AGBL4: variants seen among roughly 807,000 people sequenced by gnomAD.
The protein encoded by AGBL4 is cytosolic carboxypeptidase 6.
AGBL4 carries 58 observed loss-of-function variants against 66.4 expected under a neutral mutation model. The observed-to-expected ratio is 0.87, with a 90% CI of 0.71 to 1.09. AGBL4 has a LOEUF of 1.09. AGBL4 is among the 50% of genes least tolerant of loss of function. The pLI is 0.00. For missense variants in AGBL4, 579 were observed against 631.0 expected (o/e 0.92, Z 0.88); for synonymous variants, 234 against 222.9 (o/e 1.05, Z -0.44).
At chr1:49,812,517 C>A (rs998060908) in intron 2 of AGBL4, among the ~76,000 whole-genome samples, 6 of 152,162 alleles carry the variant, frequency 3.9e-5, no homozygotes, top group African/African-American at 1.2e-4. Context: ...TCCAACCTAA[C>A]AAACACTGAC....
At chr1:49,178,419 T>G (rs1646870110) in intron 4 of AGBL4, among the ~76,000 whole-genome samples, 1 of 152,148 alleles carries the variant, frequency 6.6e-6, no homozygotes, top group South Asian at 2.1e-4. Context: ...CAGCTCTGCA[T>G]GCGGAATTCA....
intron 3 of AGBL4, among the ~76,000 whole-genome samples, chr1:49,504,956 A>G (rs1648541803): frequency 6.6e-6 from 1 of 151,860 alleles, no homozygotes; most frequent in South Asian, 2.1e-4. Flanking sequence ...CTGTGATTAA[A>G]TGATTTTCTG....
chr1:49,452,130 G>T (rs1162906844), intron 3 of AGBL4, among the ~76,000 whole-genome samples: 1 of 151,700 alleles, frequency 6.6e-6, no homozygotes, highest in Non-Finnish European at 1.5e-5. Context: ...GACCTCCACT[G>T]GTTCCTTCAC....
rs1348118471 is a variant in AGBL4 at position 48,649,234 on chromosome 1, G to A, written c.839+4103C>T. 3.3e-5 allele frequency among the ~76,000 whole-genome samples: 5 copies of A among 152,152 alleles called. No individual in the cohort carries two copies. In the South Asian group the frequency reaches 6.2e-4, roughly 19 times the overall value. ...CAAGAGCCATAAAGGGAGAGTACAG[G>A]GTGCTATAAAAGAGTGTAATGGGAG... On this transcript the variant is annotated intron_variant, in intron 8 of 13. Transcript: ENST00000371839.
chr1:48,710,350 C>G (rs1271718391), intron 6 of AGBL4, among the ~76,000 whole-genome samples: 1 of 152,094 alleles, frequency 6.6e-6, no homozygotes, highest in Non-Finnish European at 1.5e-5. Context: ...CTGGAGGAAA[C>G]TAACTTTCCC....
chr1:49,838,696 A>C (rs376130362), intron 2 of AGBL4, among the ~76,000 whole-genome samples: 1 of 152,230 alleles, frequency 6.6e-6, no homozygotes, highest in South Asian at 2.1e-4. Context: ...AGTGTTATTT[A>C]CAAATGGGAA....
intron 4 of AGBL4, among the ~76,000 whole-genome samples, chr1:49,189,558 A>G (rs1647076816): frequency 6.6e-6 from 1 of 152,180 alleles, no homozygotes; most frequent in Non-Finnish European, 1.5e-5. Flanking sequence ...TATAAGTGAG[A>G]AAGCTGAGGC....
intron 3 of AGBL4, among the ~76,000 whole-genome samples, chr1:49,619,799 G>T (rs1485930777): frequency 1.3e-5 from 2 of 151,992 alleles, no homozygotes; most frequent in African/African-American, 2.4e-5. Flanking sequence ...CAGAACAGAG[G>T]CCTCAGAAAT....
At chr1:48,758,704 G>A (rs1169755066) in intron 6 of AGBL4, among the ~76,000 whole-genome samples, 1 of 152,220 alleles carries the variant, frequency 6.6e-6, no homozygotes, top group Non-Finnish European at 1.5e-5. Context: ...AGCTGAGGCT[G>A]CTGCATACAT....
At position 49,763,304 on chromosome 1, in the gene AGBL4, G is replaced by T. The variant is rs192120542; in HGVS notation, c.158-65867C>A. Among the ~76,000 whole-genome samples the T allele has an allele frequency of 2.2e-4, 33 of 152,308 alleles. No individual in the cohort carries two copies. The East Asian group carries it at 6.0e-3, about 28-fold the overall frequency. Reference sequence around the variant, plus strand: ...TTGCAGTGTATTTTAAAGTCAGGTAGTGTGATTCCCCCAGCTTTGTTCTCT... The same window carrying T: ...TTGCAGTGTATTTTAAAGTCAGGTATTGTGATTCCCCCAGCTTTGTTCTCT... On this transcript the variant is annotated intron_variant, in intron 2 of 13. Coordinates refer to ENST00000371839, the MANE Select transcript of AGBL4 (RefSeq NM_032785.4).
intron 4 of AGBL4, among the ~76,000 whole-genome samples, chr1:49,065,339 G>T (rs771101740): frequency 1.3e-5 from 2 of 152,212 alleles, no homozygotes; most frequent in African/African-American, 4.8e-5. Context: ...GAAGAGAGTG[G>T]CTTCAAACTG....
chr1:49,553,063 T>C (rs982583640), intron 3 of AGBL4, among the ~76,000 whole-genome samples: 3 of 152,152 alleles, frequency 2.0e-5, no homozygotes, highest in African/African-American at 7.2e-5. Context: ...TGAAAGGCTA[T>C]GAAAACACAG....
intron 3 of AGBL4, among the ~76,000 whole-genome samples, chr1:49,600,120 A>G (rs947865371): frequency 6.6e-6 from 1 of 152,198 alleles, no homozygotes; most frequent in Non-Finnish European, 1.5e-5. Context: ...GCAGATGTCT[A>G]TTAGGTCCAC....
At chr1:49,210,762 C>T (rs1399371697) in intron 4 of AGBL4, among the ~76,000 whole-genome samples, 1 of 152,036 alleles carries the variant, frequency 6.6e-6, no homozygotes, top group African/African-American at 2.4e-5. Context: ...TACACAAATA[C>T]TGAACACAAG....
chr1:49,747,927 A>C (rs1486501149), intron 2 of AGBL4, among the ~76,000 whole-genome samples: 2 of 135,458 alleles, frequency 1.5e-5, no homozygotes, highest in East Asian at 4.2e-4. Flanking sequence ...CAGAACCAAT[A>C]AAAGGAGTGT....
intron 11 of AGBL4, among the ~76,000 whole-genome samples, chr1:48,560,248 TG>T: frequency 6.6e-6 from 1 of 152,362 alleles, no homozygotes; most frequent in Admixed American, 6.5e-5. Flanking sequence ...CTATAGATAC[TG>T]AGGCATCAGA....
intron 1 of AGBL4, among the ~76,000 whole-genome samples, chr1:49,940,037 T>C (rs1208774240): frequency 6.6e-6 from 1 of 151,930 alleles, no homozygotes; most frequent in Non-Finnish European, 1.5e-5. Context: ...AAAAAGTGGG[T>C]GAAGGACATG....
chr1:48,673,355 G>T (rs1223342437), intron 6 of AGBL4, among the ~76,000 whole-genome samples: 1 of 150,828 alleles, frequency 6.6e-6, no homozygotes, highest in Non-Finnish European at 1.5e-5. Context: ...TGTAGGCCTG[G>T]GAGTAATGTG....
At chr1:49,058,626 A>C (rs1644347964) in intron 4 of AGBL4, among the ~76,000 whole-genome samples, 2 of 152,230 alleles carry the variant, frequency 1.3e-5, no homozygotes, top group Admixed American at 1.3e-4. Flanking sequence ...AGATACCCCA[A>C]ATGTGGAACT....
Sources: gnomAD v4.1 joint callset for allele counts (sites outside exome capture counted in the v4.1 genomes callset) on GRCh38, gnomAD v4.1.1 for gene constraint, MANE v1.5 for transcripts, NCBI Gene and HGNC (gene_info 2026-07-23, HGNC 2026-07-21) for gene names.